The following BBX variants were observed in gnomAD, a reference collection of about 807,000 sequenced individuals.
The protein encoded by BBX is HMG box transcription factor BBX.
Under a neutral mutation model 100.2 loss-of-function variants are expected in BBX, and 30 were observed. That is an observed-to-expected ratio of 0.30 (90% CI 0.22 to 0.41). BBX has a LOEUF of 0.41. Ranked by LOEUF, BBX falls within the 10% of genes least tolerant of loss-of-function variation. The pLI, the probability that BBX is intolerant of heterozygous loss-of-function variation, is 1.00. For synonymous variants in BBX, 376 were observed against 388.1 expected (o/e 0.97, Z 0.37); for missense variants, 1,023 against 1,129.8 (o/e 0.91, Z 1.35).
intron 2 of BBX, among the ~76,000 whole-genome samples, chr3:107,554,804 C>T (rs556354777): frequency 1.2e-3 from 180 of 152,212 alleles, no homozygotes; most frequent in African/African-American, 4.2e-3. Flanking sequence ...CGTGGTGGCT[C>T]ATGCCTGTAA....
At chr3:107,653,660 T>G (rs551106713) in intron 3 of BBX, among the ~76,000 whole-genome samples, 1 of 152,190 alleles carries the variant, frequency 6.6e-6, no homozygotes, top group Non-Finnish European at 1.5e-5. Context: ...ATTGTTTCAG[T>G]GTTCTTAACA....
At chr3:107,758,713 A>T (rs762448060) in intron 10 of BBX, among the ~76,000 whole-genome samples, 1 of 152,094 alleles carries the variant, frequency 6.6e-6, no homozygotes, top group African/African-American at 2.4e-5. Flanking sequence ...AATATTTTGA[A>T]TATCACCCCT....
At chr3:107,669,772 C>T (rs1021350054) in intron 3 of BBX, among the ~76,000 whole-genome samples, 4 of 152,122 alleles carry the variant, frequency 2.6e-5, no homozygotes, top group Admixed American at 1.3e-4. Context: ...GATTTATTAT[C>T]TGTTTCCATT....
intron 3 of BBX, among the ~76,000 whole-genome samples, chr3:107,658,962 A>G (rs933562253): frequency 3.3e-5 from 5 of 152,014 alleles, no homozygotes; most frequent in African/African-American, 1.2e-4. Flanking sequence ...GACCTGTAAC[A>G]CCTTTGATGG....
At chr3:107,782,893 A>G (rs749291459) in intron 13 of BBX, among the ~76,000 whole-genome samples, 1 of 152,106 alleles carries the variant, frequency 6.6e-6, no homozygotes, top group Non-Finnish European at 1.5e-5. Flanking sequence ...TGGTAGGGAA[A>G]GAGATGGGAC....
At chr3:107,524,918 A>G (rs1169167566) in intron 1 of BBX, among the ~76,000 whole-genome samples, 2 of 151,402 alleles carry the variant, frequency 1.3e-5, no homozygotes, top group Admixed American at 6.6e-5. Context: ...CTGTCCTGCT[A>G]ATGACACGTC....
chr3:107,599,976 A>T (rs1256403844), intron 2 of BBX, among the ~76,000 whole-genome samples: 1 of 152,226 alleles, frequency 6.6e-6, no homozygotes, highest in Non-Finnish European at 1.5e-5. Flanking sequence ...AGCTTTTTGC[A>T]CTGACAGATG....
intron 2 of BBX, among the ~76,000 whole-genome samples, chr3:107,608,551 T>C (rs867520049): frequency 6.6e-6 from 1 of 152,196 alleles, no homozygotes; most frequent in South Asian, 2.1e-4. Context: ...AGTCTGGGTC[T>C]TTTGTGGTTG....
At position 107,689,979 on chromosome 3, in the gene BBX, T is replaced by TAAA. The variant is rs538320252; in HGVS notation, c.-9-20472_-9-20470dup. On this transcript the variant is annotated intron_variant, in intron 3 of 17. Coordinates refer to ENST00000325805, the MANE Select transcript of BBX (RefSeq NM_001142568.3). The stretch of plus-strand genomic sequence containing the variant: ...CCCATTTCATGGGATTTTGTAATAA[T>TAAA]AAATGTGTGCAATAAAGGCTTTGTA... Among the ~76,000 whole-genome samples, 12 of 152,288 alleles carry TAAA rather than the reference T, an allele frequency of 7.9e-5. No homozygotes were observed. The East Asian group carries it at 2.1e-3, about 27-fold the overall frequency.
At chr3:107,613,979 GTCTC>G (rs1293918645) in intron 2 of BBX, among the ~76,000 whole-genome samples, 1 of 115,912 alleles carries the variant, frequency 8.6e-6, no homozygotes, top group African/African-American at 3.2e-5. Context: ...TTGAGATGGA[GTCTC>G]TCTCTGTCAC....
chr3:107,548,212 C>T (rs1168351763), intron 2 of BBX, among the ~76,000 whole-genome samples: 1 of 152,182 alleles, frequency 6.6e-6, no homozygotes, highest in Non-Finnish European at 1.5e-5. Flanking sequence ...CATCCATAAA[C>T]GAGGAAAATA....
intron 17 of BBX, among the ~76,000 whole-genome samples, chr3:107,803,428 T>G (rs1177993056): frequency 1.3e-5 from 2 of 152,174 alleles, no homozygotes; most frequent in Non-Finnish European, 2.9e-5. Context: ...AAGTAAGCAT[T>G]ACTTCAGCAT....
intron 9 of BBX, among the ~76,000 whole-genome samples, 175 bp from the exon 10 acceptor site, chr3:107,755,423 A>G (rs2065396054): frequency 6.6e-6 from 1 of 152,166 alleles, no homozygotes. Context: ...TTTTGAGGTC[A>G]TTTACTAAAA....
intron 10 of BBX, among the ~76,000 whole-genome samples, chr3:107,758,205 G>A (rs984483579): frequency 1.3e-5 from 2 of 152,126 alleles, no homozygotes; most frequent in African/African-American, 4.8e-5. Flanking sequence ...ATTGAGGGAG[G>A]TACATGCAAA....
intron 2 of BBX, among the ~76,000 whole-genome samples, chr3:107,629,166 C>A (rs1472155111): frequency 6.6e-6 from 1 of 152,094 alleles, no homozygotes; most frequent in Non-Finnish European, 1.5e-5. Context: ...GCTAAGTTCT[C>A]AGGTTGTTCA....
chr3:107,555,326 C>T (rs1299139421), intron 2 of BBX, among the ~76,000 whole-genome samples: 1 of 151,976 alleles, frequency 6.6e-6, no homozygotes, highest in East Asian at 1.9e-4. Flanking sequence ...TTTCTATATA[C>T]CTAGCTCACA....
At chr3:107,756,601 T>C (rs2065497382) in intron 10 of BBX, among the ~76,000 whole-genome samples, 1 of 152,146 alleles carries the variant, frequency 6.6e-6, no homozygotes, top group Admixed American at 6.6e-5. Context: ...ACTTAAAATA[T>C]ATAATATCTT....
intron 3 of BBX, among the ~76,000 whole-genome samples, chr3:107,649,720 T>C (rs530861697): frequency 3.3e-5 from 5 of 152,320 alleles, no homozygotes; most frequent in African/African-American, 1.2e-4. Context: ...CATAAGAACT[T>C]AGGCATTCTT....
chr3:107,709,717 A>T (rs772648399), intron 3 of BBX, among the ~76,000 whole-genome samples: 5 of 152,226 alleles, frequency 3.3e-5, no homozygotes, highest in Non-Finnish European at 5.9e-5. Context: ...GGAGAGGGCA[A>T]ACCTCGTTTT....
Sources: gnomAD v4.1 joint callset for allele counts (sites outside exome capture counted in the v4.1 genomes callset) on GRCh38, gnomAD v4.1.1 for gene constraint, MANE v1.5 for transcripts, NCBI Gene and HGNC (gene_info 2026-07-23, HGNC 2026-07-21) for gene names.